Variants in FHIT observed in about 807,000 individuals in gnomAD.
FHIT encodes fragile histidine triad diadenosine triphosphatase.
FHIT carries 19 observed loss-of-function variants against 17.9 expected under a neutral mutation model. That is an observed-to-expected ratio of 1.06 (90% confidence interval 0.74 to 1.56). The LOEUF is 1.56. Ranked by LOEUF, FHIT falls within the 40% of genes most tolerant of loss-of-function variation. FHIT has a pLI of 0.00. For missense variants in FHIT, 248 were observed against 189.2 expected (o/e 1.31, Z -1.82); for synonymous variants, 81 against 69.7 (o/e 1.16, Z -0.81).
intron 3 of FHIT, among the ~76,000 whole-genome samples, chr3:60,846,196 A>G (rs1702919739): frequency 6.6e-6 from 1 of 152,178 alleles, no homozygotes; most frequent in Non-Finnish European, 1.5e-5. Flanking sequence ...AATACATAAA[A>G]TTTTAAAACC....
chr3:60,026,845 T>A (rs1234030521), intron 5 of FHIT, among the ~76,000 whole-genome samples: 1 of 152,140 alleles, frequency 6.6e-6, no homozygotes, highest in Non-Finnish European at 1.5e-5. Context: ...ACGCCTGTAA[T>A]CCCAGCACTT....
chr3:60,765,163 C>A (rs1699806092), intron 4 of FHIT, among the ~76,000 whole-genome samples: 1 of 152,150 alleles, frequency 6.6e-6, no homozygotes, highest in East Asian at 1.9e-4. Flanking sequence ...CTGTCAAAAC[C>A]AGCACCAGTG....
At chr3:59,764,548 C>T (rs555641143) in intron 8 of FHIT, among the ~76,000 whole-genome samples, 4 of 152,300 alleles carry the variant, frequency 2.6e-5, no homozygotes, top group African/African-American at 4.8e-5. Context: ...GCTATTCCAA[C>T]GCCCTTCAAA....
intron 5 of FHIT, among the ~76,000 whole-genome samples, chr3:60,118,210 G>A (rs753709005): frequency 3.3e-5 from 5 of 151,902 alleles, no homozygotes; most frequent in South Asian, 4.2e-4. Flanking sequence ...GGGTTCAAGC[G>A]ATCCTCCTGC....
intron 5 of FHIT, among the ~76,000 whole-genome samples, chr3:60,496,278 T>A (rs1576760202): frequency 6.6e-6 from 1 of 152,118 alleles, no homozygotes; most frequent in Middle Eastern, 3.4e-3. Flanking sequence ...GATTTAAATC[T>A]AGAATATATA....
intron 5 of FHIT, among the ~76,000 whole-genome samples, chr3:60,526,058 G>C (rs1196848099): frequency 2.6e-5 from 4 of 151,986 alleles, no homozygotes; most frequent in African/African-American, 4.8e-5. Flanking sequence ...AGTCAAGGTT[G>C]TACCACTGCA....
Position 60,922,502 on chromosome 3 carries a change from G to C in FHIT, c.-110-100491C>G, listed in dbSNP as rs7653023. Among the ~76,000 whole-genome samples the C allele has an allele frequency of 6.6e-3, 1,003 of 152,262 alleles. 13 individuals carry two copies. The highest frequency in any genetic ancestry group is 0.027 in the Middle Eastern group (8 of 294). On this transcript the variant is annotated intron_variant, in intron 3 of 9. Coordinates refer to ENST00000492590, the MANE Select transcript of FHIT (RefSeq NM_002012.4). The stretch of plus-strand genomic sequence containing the variant: ...TTGGGTAAAGATATATGATGTCTAG[G>C]AGGTACCCACCTTCAGGAGAAAGAA...
chr3:60,562,166 T>A (rs940701914), intron 4 of FHIT, among the ~76,000 whole-genome samples: 1 of 152,342 alleles, frequency 6.6e-6, no homozygotes, highest in Non-Finnish European at 1.5e-5. Context: ...GAGCTCATTA[T>A]TTATCTGTCT....
chr3:60,529,242 T>C (rs1043264534), intron 5 of FHIT, among the ~76,000 whole-genome samples: 5 of 152,284 alleles, frequency 3.3e-5, no homozygotes, highest in Admixed American at 3.3e-4. Context: ...GCAATAAATA[T>C]AAATTAATTA....
chr3:60,991,482 A>T (rs1327957816), intron 3 of FHIT, among the ~76,000 whole-genome samples: 1 of 152,228 alleles, frequency 6.6e-6, no homozygotes, highest in South Asian at 2.1e-4. Flanking sequence ...TCTGGGCGTC[A>T]TGGGGGAAGA....
intron 1 of FHIT, among the ~76,000 whole-genome samples, chr3:61,222,660 G>T (rs2039870177): frequency 1.3e-5 from 2 of 152,136 alleles, no homozygotes; most frequent in Admixed American, 1.3e-4. Context: ...AGAAAGGAAG[G>T]GTTGATGACA....
chr3:61,183,831 A>G lies in FHIT; in HGVS notation c.-164+16786T>C, dbSNP rs568624644. ...AGCATCAGGGTTTTTCACGTTTACA[A>G]AGAAAATGGAGCAGGTTAGCAGGTC... On this transcript the variant is annotated intron_variant, in intron 2 of 9. Transcript: ENST00000492590. 8.6e-5 allele frequency among the ~76,000 whole-genome samples: 13 copies of G among 151,860 alleles called. No individual in the cohort carries two copies. The East Asian group carries it at 1.6e-3, about 18-fold the overall frequency.
At chr3:60,658,254 CAT>C (rs1175969071) in intron 4 of FHIT, among the ~76,000 whole-genome samples, 1 of 152,094 alleles carries the variant, frequency 6.6e-6, no homozygotes, top group Non-Finnish European at 1.5e-5. Flanking sequence ...CATGTTGTAG[CAT>C]ATGTCAGAAT....
At chr3:61,222,451 A>G (rs2106831210) in intron 1 of FHIT, among the ~76,000 whole-genome samples, 1 of 152,302 alleles carries the variant, frequency 6.6e-6, no homozygotes, top group Non-Finnish European at 1.5e-5. Flanking sequence ...TGGCTTTGCA[A>G]CAACAGTCAG....
At chr3:60,773,062 C>G (rs1161601731) in intron 4 of FHIT, among the ~76,000 whole-genome samples, 2 of 152,134 alleles carry the variant, frequency 1.3e-5, no homozygotes, top group Non-Finnish European at 2.9e-5. Context: ...GTGTGGCTAG[C>G]CTTCTGTCAA....
At chr3:59,900,975 T>C (rs1049661558) in intron 8 of FHIT, among the ~76,000 whole-genome samples, 4 of 152,218 alleles carry the variant, frequency 2.6e-5, no homozygotes, top group African/African-American at 4.8e-5. Flanking sequence ...GGGTTGTTTA[T>C]ATTTCTTCCA....
chr3:61,053,501 A>T (rs556667153), intron 2 of FHIT, among the ~76,000 whole-genome samples: 2 of 152,152 alleles, frequency 1.3e-5, no homozygotes, highest in South Asian at 4.2e-4. Context: ...TCTACCAAAA[A>T]TACAAAATTA....
intron 5 of FHIT, among the ~76,000 whole-genome samples, chr3:60,152,915 C>T (rs1012185632): frequency 6.6e-6 from 1 of 152,116 alleles, no homozygotes; most frequent in African/African-American, 2.4e-5. Flanking sequence ...TCCATTCATG[C>T]TCATTTTGTA....
In FHIT at chr3:61,205,507, T is replaced by A. The variant is rs553302978; in HGVS notation, c.-212-4842A>T. 9.0e-3 allele frequency among the ~76,000 whole-genome samples: 1,368 copies of A among 152,282 alleles called. 25 individuals are homozygous for A. Among genetic ancestry groups the A allele is most frequent in the African/African-American group, 0.032 (1,309 of 41,554 alleles). On this transcript the variant is annotated intron_variant, in intron 1 of 9. Transcript: ENST00000492590. ...TGTTGTTTCCTGACATTTTAATGAT[T>A]GCCATTCTAACTGGTGTGAGATGGT...
Sources: gnomAD v4.1 joint callset for allele counts (sites outside exome capture counted in the v4.1 genomes callset) on GRCh38, gnomAD v4.1.1 for gene constraint, MANE v1.5 for transcripts, NCBI Gene and HGNC (gene_info 2026-07-23, HGNC 2026-07-21) for gene names.